OPCML: variants seen among roughly 807,000 people sequenced by gnomAD.
The protein encoded by OPCML is opioid binding protein/cell adhesion molecule like.
Under a neutral mutation model 37.8 loss-of-function variants are expected in OPCML, and 13 were observed. That is an observed-to-expected ratio of 0.34 (90% CI 0.22 to 0.55). The LOEUF is 0.55. Among genes scored for constraint, OPCML ranks in the 20% least tolerant of loss-of-function variants. The probability of loss-of-function intolerance (pLI) is 0.91; values close to 1 mark genes in which losing one functional copy is unlikely to be tolerated. For synonymous variants in OPCML, 176 were observed against 168.8 expected, an observed-to-expected ratio of 1.04 and a Z score of -0.33; for missense variants, 341 against 435.6, an observed-to-expected ratio of 0.78 and a Z score of 1.93.
At chr11:133,179,443 G>A (rs941319732) in intron 1 of OPCML, among the ~76,000 whole-genome samples, 2 of 152,072 alleles carry the variant, frequency 1.3e-5, no homozygotes, top group Admixed American at 6.5e-5. Flanking sequence ...GGGACTTCTC[G>A]GGAGGAGACT....
intron 2 of OPCML, among the ~76,000 whole-genome samples, chr11:132,805,088 G>A (rs1938919324): frequency 6.6e-6 from 1 of 152,054 alleles, no homozygotes; most frequent in African/African-American, 2.4e-5. Context: ...AAATTGAAAC[G>A]ATAGAAACAG....
intron 1 of OPCML, among the ~76,000 whole-genome samples, chr11:133,115,687 A>G (rs1282845360): frequency 6.6e-6 from 1 of 152,112 alleles, no homozygotes; most frequent in African/African-American, 2.4e-5. Flanking sequence ...CTGAATTGTC[A>G]CAGTGTCTCA....
chr11:133,364,240 G>C (rs1302449889), intron 1 of OPCML, among the ~76,000 whole-genome samples: 1 of 152,204 alleles, frequency 6.6e-6, no homozygotes, highest in African/African-American at 2.4e-5. Flanking sequence ...ACATGTGCAT[G>C]TACAAACCAC....
At chr11:132,621,064 G>T (rs962994900) in intron 3 of OPCML, among the ~76,000 whole-genome samples, 1 of 152,232 alleles carries the variant, frequency 6.6e-6, no homozygotes, top group Admixed American at 6.5e-5. Context: ...GACACACAAG[G>T]CTTTTGAAGG....
At chr11:132,481,661 A>T (rs1458720055) in intron 4 of OPCML, among the ~76,000 whole-genome samples, 2 of 151,528 alleles carry the variant, frequency 1.3e-5, no homozygotes, top group East Asian at 3.9e-4. Flanking sequence ...TTGACCACAT[A>T]GTTGGAAGTA....
At chr11:132,512,869 G>A (rs879911215) in intron 4 of OPCML, among the ~76,000 whole-genome samples, 1 of 151,860 alleles carries the variant, frequency 6.6e-6, no homozygotes, top group Admixed American at 6.6e-5. Context: ...AAACAGGGAA[G>A]CTTTTGAGGT....
chr11:132,952,819 A>T (rs1945890999), intron 1 of OPCML, among the ~76,000 whole-genome samples: 1 of 152,202 alleles, frequency 6.6e-6, no homozygotes. Context: ...AGAGCCTGGC[A>T]CGATGGCAGC....
At chr11:133,111,544 G>A (rs905013458) in intron 1 of OPCML, among the ~76,000 whole-genome samples, 1 of 152,124 alleles carries the variant, frequency 6.6e-6, no homozygotes, top group Admixed American at 6.6e-5. Flanking sequence ...ACAGCTCCAT[G>A]GACACAGTAA....
At chr11:132,554,948 C>CTGTT (rs1377529413) in intron 3 of OPCML, among the ~76,000 whole-genome samples, 2 of 112,728 alleles carry the variant, frequency 1.8e-5, no homozygotes, top group African/African-American at 6.9e-5. Flanking sequence ...CTGAAAGTTT[C>CTGTT]TGTTTGGGGC....
At chr11:132,619,884 T>C (rs1475159681) in intron 3 of OPCML, among the ~76,000 whole-genome samples, 1 of 149,278 alleles carries the variant, frequency 6.7e-6, no homozygotes, top group Non-Finnish European at 1.5e-5. Flanking sequence ...CCTAAAACAA[T>C]GGGAAAATAT....
intron 1 of OPCML, among the ~76,000 whole-genome samples, chr11:133,015,567 G>A (rs530130223): frequency 3.3e-5 from 5 of 152,280 alleles, no homozygotes; most frequent in Admixed American, 2.6e-4. Flanking sequence ...ATCCAATTCT[G>A]TGTGCCTGAA....
intron 2 of OPCML, among the ~76,000 whole-genome samples, chr11:132,764,959 C>T (rs1946385718): frequency 6.6e-6 from 1 of 152,262 alleles, no homozygotes; most frequent in Admixed American, 6.5e-5. Context: ...TCACGCCTGC[C>T]TCTGACACTG....
intron 1 of OPCML, among the ~76,000 whole-genome samples, chr11:133,169,856 T>C (rs1387676123): frequency 6.6e-6 from 1 of 152,192 alleles, no homozygotes. Context: ...TATTATAATT[T>C]TATATTTTGA....
chr11:133,357,721 TA>T (rs1194750450), intron 1 of OPCML, among the ~76,000 whole-genome samples: 5 of 152,202 alleles, frequency 3.3e-5, no homozygotes, highest in Non-Finnish European at 7.3e-5. Flanking sequence ...TTTCAAAGGA[TA>T]AAGATTCTGC....
intron 1 of OPCML, among the ~76,000 whole-genome samples, chr11:133,352,033 A>G (rs11223444): frequency 0.55 from 84,347 of 151,980 alleles, 23,689 homozygotes; most frequent in East Asian, 0.84. Flanking sequence ...CAATTGGGTT[A>G]TTGCAATAGC....
At chr11:133,475,037 C>T (rs1018529919) in intron 1 of OPCML, among the ~76,000 whole-genome samples, 3 of 152,126 alleles carry the variant, frequency 2.0e-5, no homozygotes, top group Non-Finnish European at 4.4e-5. Flanking sequence ...GGACATGCCA[C>T]CTTTACCCCC....
intron 1 of OPCML, among the ~76,000 whole-genome samples, chr11:133,326,239 G>A (rs1250527304): frequency 6.7e-6 from 1 of 150,178 alleles, no homozygotes; most frequent in African/African-American, 2.5e-5. Context: ...GAGAAGATGA[G>A]GAGTGTGGGT....
intron 1 of OPCML, among the ~76,000 whole-genome samples, chr11:133,161,935 T>C (rs1950146817): frequency 6.8e-6 from 1 of 147,898 alleles, no homozygotes; most frequent in Admixed American, 6.7e-5. Context: ...CTTTCCTTGC[T>C]AGATCAGGGA....
At chr11:133,202,646 A>G (rs560178058) in intron 1 of OPCML, among the ~76,000 whole-genome samples, 1 of 152,324 alleles carries the variant, frequency 6.6e-6, no homozygotes, top group South Asian at 2.1e-4. Context: ...TGTTTCTTCC[A>G]GGGAAACTTC....
Sources: gnomAD v4.1 joint callset for allele counts (sites outside exome capture counted in the v4.1 genomes callset) on GRCh38, gnomAD v4.1.1 for gene constraint, MANE v1.5 for transcripts, NCBI Gene and HGNC (gene_info 2026-07-23, HGNC 2026-07-21) for gene names.